Variants in TNPO1 observed in about 807,000 individuals in gnomAD.
TNPO1 encodes the protein transportin 1, also known as transportin-1.
TNPO1 carries 8 observed loss-of-function variants against 119.5 expected under a neutral mutation model. The ratio of observed to expected loss-of-function variants is 0.07; its 90% CI spans 0.04 to 0.12. The LOEUF (loss-of-function observed/expected upper bound fraction) is 0.12, where lower values mean the gene tolerates loss of function less well. Ranked by LOEUF, TNPO1 falls within the 10% of genes least tolerant of loss-of-function variation. The probability of loss-of-function intolerance (pLI) is 1.00; values close to 1 mark genes in which losing one functional copy is unlikely to be tolerated. For synonymous variants in TNPO1, 362 were observed against 363.0 expected, an observed-to-expected ratio of 1.00 and a Z score of 0.03; for missense variants, 576 against 1,089.8, an observed-to-expected ratio of 0.53 and a Z score of 6.64.
rs114543416 is a variant in TNPO1 at position 72,849,913 on chromosome 5, C to T, written c.130-1331C>T. 4.3e-3 allele frequency among the ~76,000 whole-genome samples: 662 copies of T among 152,246 alleles called. 7 individuals carry two copies. Among genetic ancestry groups the T allele is most frequent in the African/African-American group, 0.015 (642 of 41,540 alleles). The stretch of plus-strand genomic sequence containing the variant: ...AGCCCAATCCTGCATTGTAGTTATT[C>T]TGTGGCACCATATATCATAATTTCT... On this transcript the variant is annotated intron_variant, in intron 2 of 24. Coordinates refer to ENST00000337273, the MANE Select transcript of TNPO1 (RefSeq NM_002270.4).
intron 8 of TNPO1, 29 bp from the exon 9 acceptor site, chr5:72,877,199 G>T: frequency 7.7e-7 from 1 of 1,290,554 alleles, no homozygotes; most frequent in South Asian, 1.2e-5. Context: ...TTTTTAAACT[G>T]ACTAATATTA....
chr5:72,837,557 A>T (rs1340726661), intron 1 of TNPO1, among the ~76,000 whole-genome samples: 1 of 152,238 alleles, frequency 6.6e-6, no homozygotes, highest in African/African-American at 2.4e-5. Context: ...AAACATTCAA[A>T]CCATAGCATC....
intron 1 of TNPO1, among the ~76,000 whole-genome samples, chr5:72,834,026 A>G (rs559959506): frequency 3.9e-5 from 6 of 152,250 alleles, no homozygotes; most frequent in South Asian, 2.1e-4. Flanking sequence ...ATTTCAGTCA[A>G]CGATGGACTA....
rs1040640378 is a variant in TNPO1, at chr5:72,912,080, A to AG, written c.*3407_*3408insG. 28 of 152,628 alleles carry AG rather than the reference A, an allele frequency of 1.8e-4. No homozygotes were observed. Among genetic ancestry groups the AG allele is most frequent in the African/African-American group, 6.7e-4 (28 of 41,554 alleles). The allele number at this position is 152,628 out of a possible 1,614,324, so 9.5% of individuals were successfully genotyped here. A position where few individuals can be genotyped will look rare whatever the true frequency, so the allele number is the denominator to read the frequency against. On this transcript the variant is annotated 3_prime_UTR_variant, in exon 25 of 25. Coordinates refer to ENST00000337273, the MANE Select transcript of TNPO1 (RefSeq NM_002270.4). ...ATGACTTCATACTGTGTAAAAAAAA[A>AG]TCACTTTTTAATATTTTTTGGTTGG...
intron 1 of TNPO1, among the ~76,000 whole-genome samples, chr5:72,817,253 CAGCT>C (rs1276797347): frequency 6.6e-6 from 1 of 152,240 alleles, no homozygotes; most frequent in Non-Finnish European, 1.5e-5. Context: ...TCCTTACATG[CAGCT>C]TGCCGTTCTC....
At chr5:72,840,774 G>C (rs376714088) in intron 1 of TNPO1, among the ~76,000 whole-genome samples, 2 of 152,050 alleles carry the variant, frequency 1.3e-5, no homozygotes, top group Non-Finnish European at 2.9e-5. Flanking sequence ...TTCCAGAAAA[G>C]ACACTCTAAG....
chr5:72,871,611 GCTGT>G (rs1012887583), intron 6 of TNPO1: 2 of 152,202 alleles, frequency 1.3e-5, no homozygotes, highest in African/African-American at 2.4e-5. Context: ...TATGTAAATG[GCTGT>G]CTGTAAAGGA....
In TNPO1 at chr5:72,888,128, A is replaced by G; in HGVS notation, c.1354A>G (p.Ile452Val). ...CTTGCCTGAGCTTATTCCTCACCTTATTCAGTGCCTCTCTGATAAAAAGGC... is the reference window on the plus strand; with the variant it reads ...CTTGCCTGAGCTTATTCCTCACCTTGTTCAGTGCCTCTCTGATAAAAAGGC... Reference protein sequence around the residue: ...PYLPELIPHLIQCLSDKKALV... With the variant: ...PYLPELIPHLVQCLSDKKALV... Residue 452 changes from isoleucine to valine, a missense_variant, in exon 13 of 25, where the codon ATT (isoleucine) becomes GTT (valine). This residue lies in a region of TNPO1 where 310 missense variants were observed against 583.0 expected (regional missense o/e 0.53). Transcript: ENST00000337273. 1.9e-6 allele frequency: 3 copies of G among 1,613,966 alleles called. No individual in the cohort carries two copies. The highest frequency in any genetic ancestry group is 2.2e-5 in the East Asian group (1 of 44,902).
intron 11 of TNPO1, among the ~76,000 whole-genome samples, chr5:72,884,204 A>C (rs1748458534): frequency 6.6e-6 from 1 of 152,126 alleles, no homozygotes; most frequent in Admixed American, 6.5e-5. Context: ...GGAGGGTTCC[A>C]GTTTCTTCAC....
intron 5 of TNPO1, among the ~76,000 whole-genome samples, chr5:72,864,194 C>G (rs1356128052): frequency 6.6e-6 from 1 of 151,348 alleles, no homozygotes; most frequent in Admixed American, 6.6e-5. Flanking sequence ...ATTAAAATTC[C>G]TGATATTTAA....
intron 4 of TNPO1, among the ~76,000 whole-genome samples, chr5:72,856,149 A>G (rs574571015): frequency 6.6e-6 from 1 of 152,228 alleles, no homozygotes; most frequent in African/African-American, 2.4e-5. Flanking sequence ...AACTTAGCCT[A>G]ATCAGAGTTG....
At chr5:72,893,836 A>G in intron 18 of TNPO1, 133 bp downstream of exon 18, 4 of 861,348 alleles carry the variant, frequency 4.6e-6, no homozygotes, top group Non-Finnish European at 7.2e-6. Context: ...TGGTTAAAGT[A>G]AACTTGCTGT....
At chr5:72,862,063 T>G in intron 5 of TNPO1, 149 bp downstream of exon 5, 1 of 574,852 alleles carries the variant, frequency 1.7e-6, no homozygotes, top group Non-Finnish European at 3.1e-6. Context: ...TATATTACAT[T>G]TGTAAATCAT....
intron 1 of TNPO1, among the ~76,000 whole-genome samples, chr5:72,840,645 A>C (rs1027104590): frequency 4.6e-5 from 7 of 152,200 alleles, no homozygotes; most frequent in African/African-American, 1.7e-4. Flanking sequence ...GATTGGGTCA[A>C]ATTTTGAGAT....
intron 1 of TNPO1, among the ~76,000 whole-genome samples, chr5:72,838,307 G>A (rs1011414074): frequency 2.0e-5 from 3 of 152,064 alleles, no homozygotes; most frequent in Non-Finnish European, 4.4e-5. Flanking sequence ...AGGAGCAATC[G>A]AACGGCAATA....
chr5:72,909,995 G>C lies in TNPO1; in HGVS notation c.*1322G>C, dbSNP rs1306760340. The C allele has an allele frequency of 4.6e-5, 7 of 152,548 alleles. No individual in the cohort carries two copies. Among genetic ancestry groups the C allele is most frequent in the Non-Finnish European group, 1.5e-5 (1 of 68,026 alleles). The allele number at this position is 152,548 out of a possible 1,614,324, so 9.4% of individuals were successfully genotyped here. A position where few individuals can be genotyped will look rare whatever the true frequency, so the allele number is the denominator to read the frequency against. On this transcript the variant is annotated 3_prime_UTR_variant, in exon 25 of 25. Transcript: ENST00000337273. Reference sequence around the variant, plus strand: ...TAAAAGGCTGCATAAATGTTAGTTGGCACATAAAGACAATTGTAGAAGTTG... The same window carrying C: ...TAAAAGGCTGCATAAATGTTAGTTGCCACATAAAGACAATTGTAGAAGTTG...
chr5:72,890,858 G>C lies in TNPO1; in HGVS notation c.1701+901G>C, dbSNP rs567481112. On this transcript the variant is annotated intron_variant, in intron 14 of 24. Transcript: ENST00000337273. The stretch of plus-strand genomic sequence containing the variant: ...CACGTTACAGTTCCATGACTAAAAG[G>C]AATTTTTTTGTGTGTGACAAGGTCT... Among the ~76,000 whole-genome samples, 37 of 152,124 alleles carry C rather than the reference G, an allele frequency of 2.4e-4. No individual in the cohort carries two copies. In the South Asian group the frequency reaches 3.5e-3, roughly 15 times the overall value.
At chr5:72,850,983 A>G (rs747674850) in intron 2 of TNPO1, among the ~76,000 whole-genome samples, 4 of 152,234 alleles carry the variant, frequency 2.6e-5, no homozygotes, top group Non-Finnish European at 4.4e-5. Flanking sequence ...TATATTGAGC[A>G]TGCTGAAGCT....
intron 12 of TNPO1, 76 bp downstream of exon 12, chr5:72,887,298 T>G: frequency 9.5e-7 from 1 of 1,049,956 alleles, no homozygotes; most frequent in Non-Finnish European, 1.3e-6. Context: ...TAGGCTACTT[T>G]AAGGAATTTC....
Sources: gnomAD v4.1 joint callset for allele counts (sites outside exome capture counted in the v4.1 genomes callset) on GRCh38, gnomAD v4.1.1 for gene constraint, gnomAD v4.1.1 regional missense constraint, MANE v1.5 for transcripts, NCBI Gene and HGNC (gene_info 2026-07-23, HGNC 2026-07-21) for gene names.